FSIP2: variants seen among roughly 807,000 people sequenced by gnomAD.
The protein encoded by FSIP2 is fibrous sheath interacting protein 2.
In FSIP2, 367 loss-of-function variants were observed where a neutral mutation model predicts 510.5. That is an observed-to-expected ratio of 0.72 (90% CI 0.66 to 0.78). The LOEUF is 0.78. Among genes scored for constraint, FSIP2 ranks in the 30% least tolerant of loss-of-function variants. The pLI is 0.00. For missense variants in FSIP2, 7,594 were observed against 7,901.7 expected (o/e 0.96, Z 1.48); for synonymous variants, 2,601 against 2,732.2 (o/e 0.95, Z 1.50).
chr2:185,767,353 A>T (rs1692510146), intron 13 of FSIP2, among the ~76,000 whole-genome samples: 1 of 152,126 alleles, frequency 6.6e-6, no homozygotes. Flanking sequence ...AAATAAAAAA[A>T]AGAGCTACTC....
Position 185,747,370 on chromosome 2 carries a change from GAA to G in FSIP2, c.818_819del (p.Glu273GlyfsTer9). 1 of 1,533,466 alleles carries G rather than the reference GAA, an allele frequency of 6.5e-7. No homozygotes were observed. The highest frequency in any genetic ancestry group is 8.7e-7 in the Non-Finnish European group (1 of 1,144,530). The allele number at this position is 1,533,466 out of a possible 1,614,324, so 95.0% of individuals were successfully genotyped here. A position where few individuals can be genotyped will look rare whatever the true frequency, so the allele number is the denominator to read the frequency against. On this transcript the variant is annotated frameshift_variant, in exon 7 of 23. Coordinates refer to ENST00000424728, the MANE Select transcript of FSIP2 (RefSeq NM_173651.4). LOFTEE classifies it high-confidence loss of function. ...LTRMAEDVKR[E>X]ERIEEQQHRN... ...AAGGATGGCAGAAGATGTTAAAAGAGAAGAGAGGATAGAAGAACAACAGCATA... is the reference window on the plus strand; with the variant it reads ...AAGGATGGCAGAAGATGTTAAAAGAGGAGAGGATAGAAGAACAACAGCATA...
At chr2:185,827,540 C>T (rs1694034965) in intron 20 of FSIP2, among the ~76,000 whole-genome samples, 2 of 151,936 alleles carry the variant, frequency 1.3e-5, no homozygotes, top group Admixed American at 6.6e-5. Flanking sequence ...GCAGTGGGTT[C>T]TTGTGAAGCT....
chr2:185,824,409 T>G (rs370119789), intron 19 of FSIP2, 25 bp from the exon 20 acceptor site: 53 of 1,528,082 alleles, frequency 3.5e-5, no homozygotes, highest in Admixed American at 5.5e-5. Flanking sequence ...TCACCCTAAA[T>G]GATGTTCTTT....
chr2:185,746,905 C>A, intron 6 of FSIP2, 95 bp downstream of exon 6: 1 of 822,492 alleles, frequency 1.2e-6, no homozygotes, highest in Non-Finnish European at 1.8e-6. Context: ...TGCTTGAAGT[C>A]ATTTCAGTTC....
chr2:185,783,792 G>A (rs563708792), intron 14 of FSIP2: 22 of 152,198 alleles, frequency 1.4e-4, no homozygotes, highest in African/African-American at 5.3e-4. Context: ...GAAAAGGTTA[G>A]AAGAGGCTCA....
Position 185,738,892 on chromosome 2 carries a change from G to C in FSIP2, c.-3G>C. ...GGAAGGGGCTGAGGGGGCTGTGCCG[G>C]CCATGGAGCTGTACCTCGGCGCCTG... is the stretch of plus-strand genomic sequence containing the variant. On this transcript the variant is annotated 5_prime_UTR_variant, in exon 1 of 23. Transcript: ENST00000424728. 2 of 1,535,378 alleles carry C rather than the reference G, an allele frequency of 1.3e-6. No individual in the cohort carries two copies. The highest frequency in any genetic ancestry group is 1.2e-5 in the South Asian group (1 of 84,032).
chr2:185,775,260 T>C (rs921931953), intron 13 of FSIP2, among the ~76,000 whole-genome samples: 1 of 149,838 alleles, frequency 6.7e-6, no homozygotes, highest in Non-Finnish European at 1.5e-5. Flanking sequence ...CCTGACTTTT[T>C]AATGATTGCC....
chr2:185,747,034 G>A (rs1407643163), intron 6 of FSIP2, among the ~76,000 whole-genome samples: 1 of 152,078 alleles, frequency 6.6e-6, no homozygotes, highest in African/African-American at 2.4e-5. Flanking sequence ...TTAAAGAACA[G>A]TTAGAAAGTT....
chr2:185,742,376 GA>G (rs757880727), intron 2 of FSIP2, among the ~76,000 whole-genome samples: 1 of 152,172 alleles, frequency 6.6e-6, no homozygotes, highest in Non-Finnish European at 1.5e-5. Flanking sequence ...GCAGATATAA[GA>G]AACATGACTA....
At chr2:185,810,253 G>T (rs1410398658) in intron 17 of FSIP2, among the ~76,000 whole-genome samples, 2 of 152,064 alleles carry the variant, frequency 1.3e-5, no homozygotes, top group Non-Finnish European at 2.9e-5. Flanking sequence ...AATGCTGGAG[G>T]TGGATCCTGG....
intron 13 of FSIP2, among the ~76,000 whole-genome samples, chr2:185,780,664 T>C (rs548969293): frequency 1.3e-5 from 2 of 152,164 alleles, no homozygotes; most frequent in African/African-American, 4.8e-5. Context: ...TTTAATATAT[T>C]GTTTTTGTTT....
chr2:185,738,707 C>T, upstream of FSIP2: 1 of 1,536,084 alleles, frequency 6.5e-7, no homozygotes. Flanking sequence ...TACGCGCTGG[C>T]GCGAGCCGCC....
At chr2:185,773,190 T>C (rs1361480048) in intron 13 of FSIP2, among the ~76,000 whole-genome samples, 1 of 152,194 alleles carries the variant, frequency 6.6e-6, no homozygotes, top group Non-Finnish European at 1.5e-5. Flanking sequence ...ACCAGTTTAG[T>C]GGTGATGAAC....
In FSIP2 at chr2:185,801,777, A is replaced by G. The variant is rs1464326510; in HGVS notation, c.12471A>G (p.Pro4157=). The change falls in exon 17 of 23, where the codon CCA becomes CCG. Residue 4157 remains proline (P), a synonymous_variant. Coordinates refer to ENST00000424728, the MANE Select transcript of FSIP2 (RefSeq NM_173651.4). ...IRRLLSQLIP[P]PITCSSLGKK... ...GGCTTTTATCTCAGCTAATTCCTCC[A>G]CCCATTACATGTTCCTCTTTAGGAA... 3.3e-6 allele frequency: 5 copies of G among 1,510,460 alleles called. No homozygotes were observed. In the Admixed American group the frequency reaches 1.1e-4, roughly 32 times the overall value. 93.6% of individuals were successfully genotyped at this position (1,510,460 alleles called of 1,614,324 possible).
Position 185,791,324 on chromosome 2 carries a change from G to T in FSIP2, c.4188G>T (p.Leu1396Phe), listed in dbSNP as rs1233985670. The T allele has an allele frequency of 5.2e-6, 8 of 1,534,104 alleles. No homozygotes were observed. The Admixed American group carries it at 9.8e-5, about 19-fold the overall frequency. ...ATDSVDVQSI[L>F]PNRQDKKSFH... ...ACAGTGTTGATGTACAAAGCATTTT[G>T]CCAAATAGGCAAGATAAAAAATCTT... The change falls in exon 16 of 23, where the codon TTG (leucine) becomes TTT (phenylalanine). Residue 1396 changes from leucine (L) to phenylalanine (F), a missense_variant. By Grantham distance (22) the Leu-to-Phe change is conservative. Coordinates refer to ENST00000424728, the MANE Select transcript of FSIP2 (RefSeq NM_173651.4).
At position 185,808,368 on chromosome 2, in the gene FSIP2, G is replaced by C; in HGVS notation, c.19062G>C (p.Leu6354Phe). 6.2e-7 allele frequency: 1 copy of C among 1,611,464 alleles called. No homozygotes were observed. The highest frequency in any genetic ancestry group is 8.5e-7 in the Non-Finnish European group (1 of 1,179,118). The change falls in exon 17 of 23, where the codon TTG becomes TTC. Residue 6354 changes from leucine (L) to phenylalanine (F), a missense_variant. By Grantham distance (22) the Leu-to-Phe change is conservative. Transcript: ENST00000424728. ...AACTTTTAGAAGAGGTGTTGGCCTT[G>C]TTCTTGGCTAAACTAATAAGGTTGC... ...DAKLLEEVLA[L>F]FLAKLIRLPS...
rs758182229 is a variant in FSIP2, at chr2:185,743,273, C to A, written c.366C>A (p.Gly122=). Residue 122 remains glycine (G), a synonymous_variant, in exon 3 of 23, where the codon GGC becomes GGA. Transcript: ENST00000424728. ...TTTTGAAGAGATTAAAGAAAGGTGG[C>A]TACATCACCAGCAATAATAAAGTGG... ...KDILKRLKKG[G]YITSNNKVVC... 6.7e-7 allele frequency: 1 copy of A among 1,498,654 alleles called. No homozygotes were observed. The highest frequency in any genetic ancestry group is 8.8e-7 in the Non-Finnish European group (1 of 1,134,100). The allele number at this position is 1,498,654 out of a possible 1,614,324, so 92.8% of individuals were successfully genotyped here.
chr2:185,819,512 G>A (rs1693877595), intron 19 of FSIP2, among the ~76,000 whole-genome samples: 2 of 151,832 alleles, frequency 1.3e-5, no homozygotes. Flanking sequence ...TATACCCCAT[G>A]TAAACAGAAA....
chr2:185,800,549 A>AATCAGTTTT lies in FSIP2; in HGVS notation c.11244_11252dup (p.Val3750_Phe3751insLeuSerVal). ...ACCAATAACCTACAGCTCTCCTCAA[A>AATCAGTTTT]ATCAGTTTTTCTTCTCAATGTTGTA... On this transcript the variant is annotated inframe_insertion, in exon 17 of 23. Transcript: ENST00000424728. 7 of 1,528,082 alleles carry AATCAGTTTT rather than the reference A, an allele frequency of 4.6e-6. No individual in the cohort carries two copies. The highest frequency in any genetic ancestry group is 6.1e-6 in the Non-Finnish European group (7 of 1,143,932). The allele number at this position is 1,528,082 out of a possible 1,614,324, so 94.7% of individuals were successfully genotyped here. A position where few individuals can be genotyped will look rare whatever the true frequency, so the allele number is the denominator to read the frequency against.
Sources: allele counts gnomAD v4.1 joint callset (sites outside exome capture counted in the v4.1 genomes callset), GRCh38; gene constraint gnomAD v4.1.1; transcripts MANE v1.5; gene names NCBI Gene and HGNC (gene_info 2026-07-23, HGNC 2026-07-21).